ZNF536: variants seen among roughly 807,000 people sequenced by gnomAD.
The protein encoded by ZNF536 is zinc finger protein 536.
Under a neutral mutation model 84.5 loss-of-function variants are expected in ZNF536, and 13 were observed. The ratio of observed to expected loss-of-function variants is 0.15; its 90% CI spans 0.10 to 0.24. The LOEUF (loss-of-function observed/expected upper bound fraction) is 0.24, where lower values mean the gene tolerates loss of function less well. Among genes scored for constraint, ZNF536 ranks in the 10% least tolerant of loss-of-function variants. ZNF536 has a pLI of 1.00. For synonymous variants in ZNF536, 811 were observed against 742.5 expected (o/e 1.09, Z -1.50); for missense variants, 1,536 against 1,747.5 (o/e 0.88, Z 2.16).
At chr19:30,554,745 A>T (rs957657082) in intron 4 of ZNF536, 1 of 152,172 alleles carries the variant, frequency 6.6e-6, no homozygotes, top group Admixed American at 6.5e-5. Context: ...GCGTTCTATT[A>T]CAACTTTAGG....
chr19:30,351,083 G>A (rs1029952170), intron 2 of ZNF536, among the ~76,000 whole-genome samples: 2 of 152,218 alleles, frequency 1.3e-5, no homozygotes, highest in African/African-American at 4.8e-5. Flanking sequence ...GTGTTTCACT[G>A]TGCACTCATG....
chr19:30,706,095 A>T (rs1164449910), intron 1 of ZNF536, among the ~76,000 whole-genome samples: 1 of 152,178 alleles, frequency 6.6e-6, no homozygotes, highest in African/African-American at 2.4e-5. Context: ...ACGTTGCATC[A>T]CTCCTGTGGC....
At chr19:30,682,903 G>A (rs951118526) in intron 1 of ZNF536, among the ~76,000 whole-genome samples, 2 of 152,136 alleles carry the variant, frequency 1.3e-5, no homozygotes, top group South Asian at 4.1e-4. Flanking sequence ...ACGACAAGAT[G>A]GTATATGTTT....
intron 2 of ZNF536, among the ~76,000 whole-genome samples, chr19:30,346,348 T>G (rs2146634315): frequency 6.6e-6 from 1 of 152,352 alleles, no homozygotes; most frequent in Non-Finnish European, 1.5e-5. Context: ...TATTTATAAC[T>G]TTTGTTTTAA....
intron 1 of ZNF536, among the ~76,000 whole-genome samples, chr19:30,624,173 C>T (rs183410186): frequency 2.4e-4 from 37 of 152,276 alleles, no homozygotes; most frequent in Admixed American, 1.7e-3. Flanking sequence ...CAGGCTCAGC[C>T]GTATGCCCAT....
In ZNF536 at chr19:30,445,450, C is replaced by T. The variant is rs762517451; in HGVS notation, c.1888C>T (p.Pro630Ser). The T allele has an allele frequency of 1.2e-6, 2 of 1,614,082 alleles. No individual in the cohort carries two copies. The highest frequency in any genetic ancestry group is 1.7e-6 in the Non-Finnish European group (2 of 1,180,018). The change falls in exon 2 of 5, where the codon CCC (proline) becomes TCC (serine). Residue 630 changes from proline (P) to serine (S), a missense_variant. Pro to Ser is a moderately conservative substitution (Grantham distance 74). This residue lies in a region of ZNF536 where 366 missense variants were observed against 364.4 expected (regional missense o/e 1.00). Coordinates refer to ENST00000355537, the MANE Select transcript of ZNF536 (RefSeq NM_014717.3). This position sits in a 1 kb window ranked among gnomAD's most constrained non-coding sequence, Gnocchi z 4.5. ...GGGTCCTGGGAACATGAAGGAGAAG[C>T]CCACCGAGTGCCCCGACTGCGGCCG... Reference protein sequence around the residue: ...LQGPGNMKEKPTECPDCGRVF... With the variant: ...LQGPGNMKEKSTECPDCGRVF...
At chr19:30,399,877 G>A (rs143411866) in intron 1 of ZNF536, among the ~76,000 whole-genome samples, 2 of 152,044 alleles carry the variant, frequency 1.3e-5, no homozygotes, top group South Asian at 2.1e-4. Flanking sequence ...TGGTAGAGAC[G>A]GGATTTCACC....
Position 30,637,443 on chromosome 19 carries a change from G to T in ZNF536, c.170-73314G>T, listed in dbSNP as rs555529706. On this transcript the variant is annotated intron_variant, in intron 1 of 1. Transcript: ENST00000592773. ...ATCACACCCACCAACTCTTTCCAAA[G>T]AACTCTTCTATTTTGCAACTCTCTG... is the stretch of plus-strand genomic sequence containing the variant. Among the ~76,000 whole-genome samples the T allele has an allele frequency of 3.3e-5, 5 of 152,298 alleles. No individual in the cohort carries two copies. The East Asian group carries it at 9.7e-4, about 29-fold the overall frequency.
intron 3 of ZNF536, among the ~76,000 whole-genome samples, chr19:30,545,740 C>T (rs959603373): frequency 2.0e-5 from 3 of 152,158 alleles, no homozygotes; most frequent in Admixed American, 6.5e-5. Flanking sequence ...AATAGACACA[C>T]ACATCCTCTG....
At chr19:30,356,886 G>T (rs2048112892) in intron 3 of ZNF536, among the ~76,000 whole-genome samples, 1 of 152,224 alleles carries the variant, frequency 6.6e-6, no homozygotes, top group South Asian at 2.1e-4. Context: ...GGAGGGCCAG[G>T]TCTGAGCATA....
rs193142519 is a variant in ZNF536, at chr19:30,280,162, C to T, written c.-189-3910C>T. On this transcript the variant is annotated intron_variant, in intron 1 of 5. Transcript: ENST00000585628. ...TTTCATCCTTCCATCCGCCTCACCT[C>T]CATCCTTCCATCTGCACTTTCACCC... Among the ~76,000 whole-genome samples, 65 of 152,218 alleles carry T rather than the reference C, an allele frequency of 4.3e-4. No individual in the cohort carries two copies. The East Asian group carries it at 0.013, about 30-fold the overall frequency.
At chr19:30,695,137 G>T (rs1416619960) in intron 1 of ZNF536, among the ~76,000 whole-genome samples, 2 of 152,170 alleles carry the variant, frequency 1.3e-5, no homozygotes, top group Non-Finnish European at 2.9e-5. Context: ...AGCAAGGCAT[G>T]GTGGGGCATT....
intron 2 of ZNF536, among the ~76,000 whole-genome samples, chr19:30,517,954 G>A (rs914903597): frequency 8.5e-5 from 13 of 152,286 alleles, no homozygotes; most frequent in Admixed American, 1.3e-4. Context: ...GGTCATTAAC[G>A]TGGTGGGCAC....
At chr19:30,573,139 C>T (rs1340613714) in intron 1 of ZNF536, among the ~76,000 whole-genome samples, 2 of 152,152 alleles carry the variant, frequency 1.3e-5, no homozygotes, top group Non-Finnish European at 2.9e-5. Context: ...CCAGAGATCC[C>T]TGTGTAAGTG....
At chr19:30,275,493 A>T (rs949985327) in intron 1 of ZNF536, among the ~76,000 whole-genome samples, 3 of 152,086 alleles carry the variant, frequency 2.0e-5, no homozygotes, top group African/African-American at 7.2e-5. Flanking sequence ...TGCCCTGAAG[A>T]TGAGGCTCTC....
At chr19:30,584,960 G>A (rs939638536) in intron 1 of ZNF536, among the ~76,000 whole-genome samples, 3 of 151,978 alleles carry the variant, frequency 2.0e-5, no homozygotes, top group African/African-American at 7.3e-5. Context: ...AGCTGGGCAT[G>A]TTGGTATGTG....
chr19:30,238,144 T>C (rs1429101157), intron 1 of ZNF536, among the ~76,000 whole-genome samples: 3 of 152,196 alleles, frequency 2.0e-5, no homozygotes, highest in African/African-American at 7.2e-5. Flanking sequence ...TCTTATTACT[T>C]GTGTAATACA....
intron 2 of ZNF536, among the ~76,000 whole-genome samples, chr19:30,507,424 A>C (rs1206818166): frequency 6.6e-6 from 1 of 152,206 alleles, no homozygotes; most frequent in African/African-American, 2.4e-5. Flanking sequence ...AAAGTTGAGA[A>C]AAATAAGATT....
chr19:30,289,747 T>A (rs961448459), intron 2 of ZNF536, among the ~76,000 whole-genome samples: 6 of 152,238 alleles, frequency 3.9e-5, no homozygotes, highest in African/African-American at 1.4e-4. Flanking sequence ...CGCTCATTTT[T>A]TAGGGGTGTT....
Sources: allele counts gnomAD v4.1 joint callset (sites outside exome capture counted in the v4.1 genomes callset), GRCh38; gene constraint gnomAD v4.1.1; regional missense constraint gnomAD v4.1.1; non-coding constraint Gnocchi (gnomAD v3.1); transcripts MANE v1.5; gene names NCBI Gene and HGNC (gene_info 2026-07-23, HGNC 2026-07-21).